Variants in UNC5D observed in about 807,000 individuals in gnomAD.
UNC5D encodes unc-5 netrin receptor D.
UNC5D carries 39 observed loss-of-function variants against 105.4 expected under a neutral mutation model. The ratio of observed to expected loss-of-function variants is 0.37; its 90% confidence interval spans 0.29 to 0.48. The LOEUF (loss-of-function observed/expected upper bound fraction) is 0.48. UNC5D is among the 20% of genes least tolerant of loss of function. The probability of loss-of-function intolerance (pLI) is 0.98; values close to 1 mark genes in which losing one functional copy is unlikely to be tolerated. For missense variants in UNC5D, 991 were observed against 1,202.4 expected (o/e 0.82, Z 2.60); for synonymous variants, 452 against 450.4 (o/e 1.00, Z -0.04).
At chr8:35,362,415 C>T (rs1268837706) in intron 1 of UNC5D, among the ~76,000 whole-genome samples, 1 of 152,150 alleles carries the variant, frequency 6.6e-6, no homozygotes, top group East Asian at 1.9e-4. Flanking sequence ...CTGGGTAGAG[C>T]ACTTTCTAGC....
intron 1 of UNC5D, among the ~76,000 whole-genome samples, chr8:35,381,751 T>C (rs1249630220): frequency 6.6e-6 from 1 of 152,220 alleles, no homozygotes; most frequent in Admixed American, 6.5e-5. Flanking sequence ...ATTGAAGTTT[T>C]GCTCCTTTGA....
chr8:35,387,428 T>C (rs764002827), intron 1 of UNC5D, among the ~76,000 whole-genome samples: 4 of 151,210 alleles, frequency 2.6e-5, no homozygotes, highest in Non-Finnish European at 5.9e-5. Flanking sequence ...TTCCCAAGTA[T>C]GAGAACCCCT....
chr8:35,605,003 C>T (rs549796621), intron 4 of UNC5D, among the ~76,000 whole-genome samples: 2 of 152,274 alleles, frequency 1.3e-5, no homozygotes, highest in South Asian at 4.1e-4. Context: ...CCTCCTTTAG[C>T]TCAGAGTAGT....
At chr8:35,574,073 G>A (rs1004816837) in intron 3 of UNC5D, among the ~76,000 whole-genome samples, 1 of 152,128 alleles carries the variant, frequency 6.6e-6, no homozygotes, top group Non-Finnish European at 1.5e-5. Flanking sequence ...GCTGCTGGAC[G>A]GTTGTCAAAA....
rs200618498 is a variant in UNC5D, at chr8:35,670,556, CA to C, written c.571-12990del. ...AAAAGAAATGAGATCATGTCCTTTG[CA>C]GGGACATGGATGGAGCTGGAAGACA... On this transcript the variant is annotated intron_variant, in intron 4 of 16. Coordinates refer to ENST00000404895, the MANE Select transcript of UNC5D (RefSeq NM_080872.4). 5.0e-3 allele frequency among the ~76,000 whole-genome samples: 756 copies of C among 152,196 alleles called. 38 individuals carry two copies. In the East Asian group the frequency reaches 0.11, roughly 23 times the overall value.
chr8:35,634,832 T>C (rs1822259620), intron 4 of UNC5D, among the ~76,000 whole-genome samples: 1 of 151,666 alleles, frequency 6.6e-6, no homozygotes, highest in Non-Finnish European at 1.5e-5. Flanking sequence ...AATGGCAGGA[T>C]CTTGGCTCAC....
At chr8:35,256,149 T>G (rs1473065444) in intron 1 of UNC5D, 1 of 152,222 alleles carries the variant, frequency 6.6e-6, no homozygotes, top group Non-Finnish European at 1.5e-5. Flanking sequence ...TGTAGCACGT[T>G]GAATGTGTGT....
At chr8:35,506,661 T>C (rs1812323504) in intron 1 of UNC5D, among the ~76,000 whole-genome samples, 1 of 152,234 alleles carries the variant, frequency 6.6e-6, no homozygotes, top group African/African-American at 2.4e-5. Context: ...TGCAACATGA[T>C]TCATGGACTT....
At chr8:35,450,619 A>C (rs1192766032) in intron 1 of UNC5D, among the ~76,000 whole-genome samples, 62 of 152,160 alleles carry the variant, frequency 4.1e-4, no homozygotes, top group Admixed American at 4.1e-3. Flanking sequence ...CAAACAAATG[A>C]AGATAAACTT....
At chr8:35,262,524 T>G (rs892082386) in intron 1 of UNC5D, among the ~76,000 whole-genome samples, 1 of 152,194 alleles carries the variant, frequency 6.6e-6, no homozygotes, top group Non-Finnish European at 1.5e-5. Context: ...CACAGTTCAA[T>G]GTAAGGCATT....
At chr8:35,392,887 T>C (rs1803863810) in intron 1 of UNC5D, among the ~76,000 whole-genome samples, 1 of 152,166 alleles carries the variant, frequency 6.6e-6, no homozygotes, top group Non-Finnish European at 1.5e-5. Context: ...TTACTTAGCA[T>C]TTATTTATAT....
chr8:35,242,452 G>A (rs1246614439), intron 1 of UNC5D, among the ~76,000 whole-genome samples: 4 of 152,080 alleles, frequency 2.6e-5, no homozygotes, highest in African/African-American at 9.7e-5. Flanking sequence ...ATTCACAGGT[G>A]TTGGCAGCTT....
chr8:35,289,643 C>T (rs958894139), intron 1 of UNC5D, among the ~76,000 whole-genome samples: 3 of 152,164 alleles, frequency 2.0e-5, no homozygotes, highest in Non-Finnish European at 4.4e-5. Context: ...GAAAATAATA[C>T]GTGTGATAAC....
intron 1 of UNC5D, among the ~76,000 whole-genome samples, chr8:35,261,925 A>G (rs1337332653): frequency 6.6e-6 from 1 of 152,172 alleles, no homozygotes; most frequent in Non-Finnish European, 1.5e-5. Flanking sequence ...GTCTGATGCT[A>G]CTAAATAAAG....
chr8:35,519,475 G>A (rs906561017), intron 1 of UNC5D, among the ~76,000 whole-genome samples: 1 of 152,196 alleles, frequency 6.6e-6, no homozygotes, highest in Non-Finnish European at 1.5e-5. Flanking sequence ...AGTTTGACCA[G>A]ATATGCCTCT....
chr8:35,386,621 G>T (rs973162446), intron 1 of UNC5D, among the ~76,000 whole-genome samples: 1 of 152,182 alleles, frequency 6.6e-6, no homozygotes, highest in Non-Finnish European at 1.5e-5. Context: ...TCTGACCTAT[G>T]AAAAATTGTT....
chr8:35,772,469 A>G (rs2131732784), intron 15 of UNC5D, among the ~76,000 whole-genome samples: 1 of 152,312 alleles, frequency 6.6e-6, no homozygotes, highest in African/African-American at 2.4e-5. Flanking sequence ...AAAGGCCGTC[A>G]TGGTTGTGGT....
intron 1 of UNC5D, among the ~76,000 whole-genome samples, chr8:35,505,046 T>C (rs1366861617): frequency 6.6e-6 from 1 of 152,218 alleles, no homozygotes; most frequent in Admixed American, 6.5e-5. Flanking sequence ...GGATTGTTTG[T>C]AGCACAAAGG....
At chr8:35,552,611 G>A (rs2130707189) in intron 2 of UNC5D, among the ~76,000 whole-genome samples, 2 of 152,310 alleles carry the variant, frequency 1.3e-5, no homozygotes, top group East Asian at 3.9e-4. Flanking sequence ...TTTATAGCAA[G>A]CAATGGTAGA....
Sources: gnomAD v4.1 joint callset for allele counts (sites outside exome capture counted in the v4.1 genomes callset) on GRCh38, gnomAD v4.1.1 for gene constraint, MANE v1.5 for transcripts, NCBI Gene and HGNC (gene_info 2026-07-23, HGNC 2026-07-21) for gene names.